The following CHD9 variants were observed in gnomAD, a reference collection of about 807,000 sequenced individuals.
The protein encoded by CHD9 is ATP-dependent chromatin remodeler CHD9.
In CHD9, 77 loss-of-function variants were observed where a neutral mutation model predicts 316.1. The observed-to-expected ratio is 0.24, with a 90% CI of 0.20 to 0.29. The LOEUF is 0.29. CHD9 is among the 10% of genes least tolerant of loss of function. The pLI, the probability that CHD9 is intolerant of heterozygous loss-of-function variation, is 1.00. For synonymous variants in CHD9, 1,129 were observed against 1,158.3 expected, an observed-to-expected ratio of 0.97 and a Z score of 0.51; for missense variants, 2,763 against 3,438.1, an observed-to-expected ratio of 0.80 and a Z score of 4.91.
chr16:53,269,248 A>G (rs924502184), intron 22 of CHD9, among the ~76,000 whole-genome samples: 3 of 152,102 alleles, frequency 2.0e-5, no homozygotes, highest in Non-Finnish European at 2.9e-5. Flanking sequence ...ATTTTATAGC[A>G]TAAAATAATT....
At chr16:53,265,360 G>A (rs2051554818) in intron 20 of CHD9, among the ~76,000 whole-genome samples, 2 of 152,184 alleles carry the variant, frequency 1.3e-5, no homozygotes, top group Non-Finnish European at 1.5e-5. Flanking sequence ...CTGTGATTGT[G>A]CCATTGCACT....
At chr16:53,276,560 G>A (rs2052847716) in intron 24 of CHD9, among the ~76,000 whole-genome samples, 1 of 152,072 alleles carries the variant, frequency 6.6e-6, no homozygotes, top group Non-Finnish European at 1.5e-5. Flanking sequence ...TTGCATATAT[G>A]TCCACCTATT....
intron 4 of CHD9, among the ~76,000 whole-genome samples, chr16:53,223,036 A>T (rs1000698644): frequency 3.9e-5 from 6 of 152,196 alleles, no homozygotes; most frequent in Non-Finnish European, 7.3e-5. Flanking sequence ...GGCTTTTAGC[A>T]TGGAGGAGTA....
chr16:53,240,538 G>T (rs1344227554), intron 12 of CHD9, among the ~76,000 whole-genome samples: 1 of 151,884 alleles, frequency 6.6e-6, no homozygotes, highest in Non-Finnish European at 1.5e-5. Context: ...CTCCTATAAT[G>T]AAATAAATAG....
chr16:53,310,118 A>G (rs907587953), intron 34 of CHD9, among the ~76,000 whole-genome samples: 1 of 152,238 alleles, frequency 6.6e-6, no homozygotes, highest in South Asian at 2.1e-4. Flanking sequence ...GTTTAGCTTC[A>G]TCAGCATCAG....
chr16:53,132,642 C>A (rs966282311), intron 1 of CHD9, among the ~76,000 whole-genome samples: 1 of 152,134 alleles, frequency 6.6e-6, no homozygotes, highest in Non-Finnish European at 1.5e-5. Flanking sequence ...GTTTACAGAA[C>A]GTGAATTTAG....
At chr16:53,186,613 A>G (rs1183277503) in intron 2 of CHD9, among the ~76,000 whole-genome samples, 1 of 152,208 alleles carries the variant, frequency 6.6e-6, no homozygotes, top group Admixed American at 6.5e-5. Context: ...GCAGAATGAT[A>G]TGGTTGGGCT....
At chr16:53,142,175 A>C (rs938222461) in intron 1 of CHD9, among the ~76,000 whole-genome samples, 6 of 152,232 alleles carry the variant, frequency 3.9e-5, no homozygotes, top group Non-Finnish European at 7.3e-5. Flanking sequence ...GTAAGTCGAC[A>C]AGGAATCTTA....
chr16:53,307,593 G>T (rs1180843164), intron 32 of CHD9, 88 bp from the exon 33 acceptor site: 20 of 1,234,968 alleles, frequency 1.6e-5, no homozygotes, highest in African/African-American at 3.0e-5. Context: ...TTGAACTAGG[G>T]TTAAATCCAT....
intron 12 of CHD9, among the ~76,000 whole-genome samples, chr16:53,241,383 A>G (rs1018635011): frequency 5.3e-5 from 8 of 152,140 alleles, no homozygotes; most frequent in Non-Finnish European, 1.0e-4. Context: ...TTGTGTCTGC[A>G]CTCATTATCT....
intron 3 of CHD9, among the ~76,000 whole-genome samples, chr16:53,216,441 A>G (rs1000451525): frequency 5.9e-5 from 9 of 152,192 alleles, no homozygotes; most frequent in Admixed American, 5.2e-4. Flanking sequence ...TCATTATGTT[A>G]ATTGATATTA....
Position 53,325,996 on chromosome 16 carries a change from C to T in CHD9, c.*1101C>T, listed in dbSNP as rs2057527470. 6.6e-6 allele frequency: 1 copy of T among 152,464 alleles called. No individual in the cohort carries two copies. Among genetic ancestry groups the T allele is most frequent in the South Asian group, 2.1e-4 (1 of 4,834 alleles). The allele number at this position is 152,464 out of a possible 1,614,324, so 9.4% of individuals were successfully genotyped here. ...TTGCCCAGAATCAGTGTTGGGTTAT[C>T]AGTTTATATTAAATATACTGAGTTG... On this transcript the variant is annotated 3_prime_UTR_variant, in exon 39 of 39. Transcript: ENST00000447540.
chr16:53,302,840 A>G (rs12149749), intron 30 of CHD9, among the ~76,000 whole-genome samples: 47,254 of 152,056 alleles, frequency 0.31, 7,507 homozygotes, highest in Middle Eastern at 0.39. Flanking sequence ...CAGCAAGCCC[A>G]TGTTTCTTGA....
chr16:53,253,762 G>A (rs2050325588), intron 17 of CHD9, among the ~76,000 whole-genome samples: 1 of 151,826 alleles, frequency 6.6e-6, no homozygotes, highest in African/African-American at 2.4e-5. Flanking sequence ...AGTTCGATTG[G>A]GCAACATAGC....
chr16:53,066,767 T>G (rs960862095), intron 1 of CHD9, among the ~76,000 whole-genome samples: 3 of 152,138 alleles, frequency 2.0e-5, no homozygotes, highest in African/African-American at 7.2e-5. Context: ...CTGTCATCAT[T>G]CACAAGTCCA....
At chr16:53,291,803 T>G in intron 28 of CHD9, 36 bp downstream of exon 28, 1 of 1,243,958 alleles carries the variant, frequency 8.0e-7, no homozygotes. Context: ...AGTATTATTG[T>G]AAATTCACAT....
In CHD9 at chr16:53,324,522, C is replaced by T. The variant is rs2057465644; in HGVS notation, c.8321C>T (p.Pro2774Leu). The T allele has an allele frequency of 4.3e-6, 7 of 1,613,902 alleles. No homozygotes were observed. The Admixed American group carries it at 1.2e-4, about 27-fold the overall frequency. The change falls in exon 39 of 39, where the codon CCT (proline) becomes CTT (leucine). Residue 2774 changes from proline to leucine, a missense_variant. Physicochemically the swap from Pro to Leu is moderately conservative, Grantham distance 98. This residue lies in a region of CHD9 where 298 missense variants were observed against 380.2 expected (regional missense o/e 0.78). Transcript: ENST00000447540. ...NGGENSVSSS[P>L]STSSTAALNT... ...GGAGAAAACTCTGTGTCAAGTTCTCCTTCCACATCCTCTACTGCTGCATTA... is the reference window on the plus strand; with the variant it reads ...GGAGAAAACTCTGTGTCAAGTTCTCTTTCCACATCCTCTACTGCTGCATTA...
chr16:53,270,918 C>G (rs2052192631), intron 22 of CHD9, among the ~76,000 whole-genome samples: 1 of 152,090 alleles, frequency 6.6e-6, no homozygotes, highest in Non-Finnish European at 1.5e-5. Context: ...CTCTTCAGTT[C>G]CATGTAGCCA....
In CHD9 at chr16:53,059,186, T is replaced by C. The variant is rs953210072; in HGVS notation, c.-165+4109T>C. ...AAATCTCAGGACGTGGGCTGGAGGT[T>C]TGGTTTGTTCTGGGGAGAAATCAGT... On this transcript the variant is annotated intron_variant, in intron 1 of 38. Transcript: ENST00000447540. 2.0e-4 allele frequency among the ~76,000 whole-genome samples: 31 copies of C among 152,162 alleles called. 1 individual carries two copies. The highest frequency in any genetic ancestry group is 1.2e-4 in the Non-Finnish European group (8 of 68,022).
Sources: gnomAD v4.1 joint callset for allele counts (sites outside exome capture counted in the v4.1 genomes callset) on GRCh38, gnomAD v4.1.1 for gene constraint, gnomAD v4.1.1 regional missense constraint, MANE v1.5 for transcripts, NCBI Gene and HGNC (gene_info 2026-07-23, HGNC 2026-07-21) for gene names.